Variants in ROBO2 observed in about 807,000 individuals in gnomAD.
ROBO2 encodes the protein roundabout homolog 2.
ROBO2 carries 53 observed loss-of-function variants against 160.8 expected under a neutral mutation model. The observed-to-expected ratio is 0.33, with a 90% CI of 0.26 to 0.41. The LOEUF (loss-of-function observed/expected upper bound fraction) is 0.41, where lower values mean the gene tolerates loss of function less well. ROBO2 is among the 10% of genes least tolerant of loss of function. The pLI is 1.00. For missense variants in ROBO2, 1,577 were observed against 1,722.4 expected, an observed-to-expected ratio of 0.92 and a Z score of 1.49; for synonymous variants, 664 against 611.7, an observed-to-expected ratio of 1.09 and a Z score of -1.26.
chr3:77,219,792 T>C (rs2085535417), intron 2 of ROBO2, among the ~76,000 whole-genome samples: 2 of 151,586 alleles, frequency 1.3e-5, no homozygotes, highest in South Asian at 2.1e-4. Context: ...CTAATTTCAG[T>C]CCATATCAAA....
chr3:76,001,309 T>A (rs1398807979), intron 2 of ROBO2, among the ~76,000 whole-genome samples: 6 of 152,240 alleles, frequency 3.9e-5, no homozygotes, highest in Non-Finnish European at 8.8e-5. Context: ...CATTGTTTTT[T>A]AAATTCCAAG....
At chr3:76,521,744 C>T (rs1410337825) in intron 2 of ROBO2, among the ~76,000 whole-genome samples, 2 of 152,076 alleles carry the variant, frequency 1.3e-5, no homozygotes, top group Admixed American at 6.6e-5. Context: ...CTTGCCTTGT[C>T]TGCACTTCTT....
intron 2 of ROBO2, among the ~76,000 whole-genome samples, chr3:77,343,817 CA>C (rs202159351): frequency 0.012 from 1,809 of 152,222 alleles, 25 homozygotes; most frequent in African/African-American, 0.04. Context: ...ATGGCAAGTA[CA>C]AACCAAACAC....
chr3:77,167,812 C>A (rs2079237002), intron 2 of ROBO2, among the ~76,000 whole-genome samples: 1 of 152,020 alleles, frequency 6.6e-6, no homozygotes, highest in East Asian at 1.9e-4. Flanking sequence ...ATGGAAGTTA[C>A]CCTGACACTT....
chr3:77,632,649 A>C (rs2095189138), intron 23 of ROBO2: 2 of 1,534,602 alleles, frequency 1.3e-6, no homozygotes, highest in Admixed American at 3.9e-5. Flanking sequence ...CCAGCCTTAC[A>C]AGAACAGGTT....
chr3:76,898,285 T>A (rs1029141877), intron 2 of ROBO2, among the ~76,000 whole-genome samples: 1 of 152,106 alleles, frequency 6.6e-6, no homozygotes, highest in Non-Finnish European at 1.5e-5. Flanking sequence ...TGTAGTACAG[T>A]TTTAACACAA....
intron 2 of ROBO2, among the ~76,000 whole-genome samples, chr3:76,385,833 A>G (rs1451639292): frequency 5.3e-5 from 8 of 152,322 alleles, no homozygotes; most frequent in Non-Finnish European, 8.8e-5. Flanking sequence ...TAACATATTT[A>G]TATCCCTTCT....
At chr3:76,949,199 A>T (rs2078806524) in intron 2 of ROBO2, among the ~76,000 whole-genome samples, 1 of 151,960 alleles carries the variant, frequency 6.6e-6, no homozygotes, top group East Asian at 1.9e-4. Flanking sequence ...GCTCTTAAAG[A>T]GTTAATTCTG....
At chr3:77,607,079 A>G (rs544664796) in intron 20 of ROBO2, among the ~76,000 whole-genome samples, 3 of 152,286 alleles carry the variant, frequency 2.0e-5, no homozygotes, top group African/African-American at 7.2e-5. Flanking sequence ...CTGCTAGCTT[A>G]CTTTCTTCTC....
intron 2 of ROBO2, among the ~76,000 whole-genome samples, chr3:76,419,558 A>G (rs1408191284): frequency 6.6e-6 from 1 of 152,030 alleles, no homozygotes; most frequent in African/African-American, 2.4e-5. Flanking sequence ...AACTACCTGT[A>G]TATCTTTCTT....
chr3:77,099,312 G>A (rs1030040798), intron 2 of ROBO2, among the ~76,000 whole-genome samples: 1 of 151,852 alleles, frequency 6.6e-6, no homozygotes, highest in South Asian at 2.1e-4. Flanking sequence ...TGATCCACTC[G>A]CCTACAATTT....
intron 2 of ROBO2, among the ~76,000 whole-genome samples, chr3:76,162,018 T>C (rs1199633907): frequency 6.6e-6 from 1 of 152,194 alleles, no homozygotes; most frequent in Non-Finnish European, 1.5e-5. Context: ...TTATGTACAA[T>C]CTTTAGTTCT....
In ROBO2 at chr3:76,020,369, C is replaced by T. The variant is rs1027714555; in HGVS notation, c.109+82767C>T. 3.3e-5 allele frequency among the ~76,000 whole-genome samples: 5 copies of T among 151,770 alleles called. No homozygotes were observed. The South Asian group carries it at 6.2e-4, about 19-fold the overall frequency. On this transcript the variant is annotated intron_variant, in intron 2 of 26. Transcript: ENST00000487694. ...ATTTTTTTACATTTATTACGATGAC[C>T]GTTATATTTGGATTCATTACCATCT... is the stretch of plus-strand genomic sequence containing the variant.
intron 2 of ROBO2, among the ~76,000 whole-genome samples, chr3:76,097,236 G>T (rs1479079536): frequency 1.3e-5 from 2 of 152,162 alleles, no homozygotes; most frequent in South Asian, 2.1e-4. Context: ...GTTGTTAAAA[G>T]AAATCCTAGC....
chr3:77,134,970 T>G (rs1185490387), intron 2 of ROBO2, among the ~76,000 whole-genome samples: 1 of 152,178 alleles, frequency 6.6e-6, no homozygotes, highest in African/African-American at 2.4e-5. Context: ...TTGCTGCCAG[T>G]GTCCATCTGT....
In ROBO2 at chr3:77,168,689, A is replaced by G. The variant is rs547250546; in HGVS notation, c.388+70349A>G. Among the ~76,000 whole-genome samples, 8 of 152,336 alleles carry G rather than the reference A, an allele frequency of 5.3e-5. No homozygotes were observed. In the East Asian group the frequency reaches 1.5e-3, roughly 29 times the overall value. ...TCCTAGTAAGTACGTGACCTATTAC[A>G]GGGAACTTAAAACAAACAAAAAGTC... is the stretch of plus-strand genomic sequence containing the variant. On this transcript the variant is annotated intron_variant, in intron 2 of 25. Transcript: ENST00000461745.
chr3:76,596,773 T>C (rs2108887053), intron 2 of ROBO2, among the ~76,000 whole-genome samples: 1 of 152,108 alleles, frequency 6.6e-6, no homozygotes, highest in East Asian at 1.9e-4. Flanking sequence ...CCATTCACCC[T>C]GATGGCCCAT....
At chr3:76,282,850 C>T (rs1328427064) in intron 2 of ROBO2, among the ~76,000 whole-genome samples, 2 of 151,650 alleles carry the variant, frequency 1.3e-5, no homozygotes, top group Admixed American at 1.3e-4. Flanking sequence ...TAAGAAAACA[C>T]ACATACTTAT....
chr3:76,972,999 C>T (rs2059643588), intron 2 of ROBO2, among the ~76,000 whole-genome samples: 1 of 152,052 alleles, frequency 6.6e-6, no homozygotes, highest in African/African-American at 2.4e-5. Flanking sequence ...TTGTAAAGAG[C>T]TATTTAGTGC....
Sources: allele counts gnomAD v4.1 joint callset (sites outside exome capture counted in the v4.1 genomes callset), GRCh38; gene constraint gnomAD v4.1.1; transcripts MANE v1.5; gene names NCBI Gene and HGNC (gene_info 2026-07-23, HGNC 2026-07-21).